Variants in TBC1D22A observed in about 807,000 individuals in gnomAD.
The protein encoded by TBC1D22A is putative GTPase activator.
In TBC1D22A, 38 loss-of-function variants were observed where a neutral mutation model predicts 60.2. That is an observed-to-expected ratio of 0.63 (90% CI 0.49 to 0.83). The LOEUF is 0.83. TBC1D22A is among the 40% of genes least tolerant of loss of function. TBC1D22A has a pLI of 0.00. For missense variants in TBC1D22A, 628 were observed against 701.0 expected (o/e 0.90, Z 1.18); for synonymous variants, 302 against 281.7 (o/e 1.07, Z -0.72).
chr22:47,000,690 C>T (rs2061378429), intron 10 of TBC1D22A, among the ~76,000 whole-genome samples: 1 of 152,076 alleles, frequency 6.6e-6, no homozygotes, highest in South Asian at 2.1e-4. Context: ...GAGAGGGTGA[C>T]TGGAGCCACT....
chr22:47,122,612 C>T (rs1159517843), intron 12 of TBC1D22A, among the ~76,000 whole-genome samples: 1 of 152,182 alleles, frequency 6.6e-6, no homozygotes, highest in Non-Finnish European at 1.5e-5. Context: ...ATGCTACTAG[C>T]CTCAGACTTC....
At chr22:47,041,272 C>T (rs958454046) in intron 11 of TBC1D22A, among the ~76,000 whole-genome samples, 2 of 152,226 alleles carry the variant, frequency 1.3e-5, no homozygotes, top group Admixed American at 6.5e-5. Context: ...TGCCCGCGCT[C>T]CTCACGCAGG....
chr22:46,876,472 A>G lies in TBC1D22A; in HGVS notation c.638-2181A>G, dbSNP rs529064444. Among the ~76,000 whole-genome samples the G allele has an allele frequency of 1.4e-4, 22 of 152,328 alleles. No homozygotes were observed. In the Middle Eastern group the frequency reaches 0.014, roughly 94 times the overall value. On this transcript the variant is annotated intron_variant, in intron 4 of 12. Transcript: ENST00000337137. ...GTTCCTGTATTTGGCCATCTTGCTT[A>G]TCTCAGAACTCTGTTTCCTGCCATT...
intron 12 of TBC1D22A, among the ~76,000 whole-genome samples, chr22:47,173,291 T>C (rs1323960838): frequency 1.3e-5 from 2 of 152,014 alleles, no homozygotes; most frequent in Admixed American, 1.3e-4. Flanking sequence ...GCTGGGCAAG[T>C]TTTCCTGGGT....
intron 4 of TBC1D22A, among the ~76,000 whole-genome samples, chr22:46,870,099 G>A (rs764221748): frequency 1.3e-5 from 2 of 152,148 alleles, no homozygotes; most frequent in Non-Finnish European, 2.9e-5. Flanking sequence ...CCCATGTATT[G>A]TCTCTTTGTT....
rs537581419 is a variant in TBC1D22A, at chr22:47,171,318, A to G, written c.1426-2180A>G. ...TCCCTGTCCCTTGTCACCTGCTAGGAGTGGGGAAGGGCAGTTCCAGCACCC... is the reference window on the plus strand; with the variant it reads ...TCCCTGTCCCTTGTCACCTGCTAGGGGTGGGGAAGGGCAGTTCCAGCACCC... On this transcript the variant is annotated intron_variant, in intron 12 of 12. Coordinates refer to ENST00000337137, the MANE Select transcript of TBC1D22A (RefSeq NM_014346.5). Among the ~76,000 whole-genome samples the G allele has an allele frequency of 9.9e-5, 15 of 152,166 alleles. No homozygotes were observed. In the South Asian group the frequency reaches 2.9e-3, roughly 29 times the overall value.
chr22:46,982,189 G>A (rs2074538774), intron 9 of TBC1D22A, among the ~76,000 whole-genome samples: 1 of 152,096 alleles, frequency 6.6e-6, no homozygotes, highest in African/African-American at 2.4e-5. Flanking sequence ...ATCTCTGGTG[G>A]ATTGATGCCC....
At chr22:46,764,457 A>T (rs1175572026) in intron 1 of TBC1D22A, among the ~76,000 whole-genome samples, 2 of 152,190 alleles carry the variant, frequency 1.3e-5, no homozygotes, top group Non-Finnish European at 2.9e-5. Context: ...TCTAATTCTT[A>T]ATCAGCTTAG....
intron 12 of TBC1D22A, among the ~76,000 whole-genome samples, chr22:47,152,079 C>T (rs576740361): frequency 2.6e-5 from 4 of 152,336 alleles, no homozygotes; most frequent in South Asian, 4.1e-4. Context: ...CACTCTCCTG[C>T]GTGTATCTGA....
At chr22:47,101,955 C>G (rs931943749) in intron 11 of TBC1D22A, among the ~76,000 whole-genome samples, 1 of 152,190 alleles carries the variant, frequency 6.6e-6, no homozygotes, top group Non-Finnish European at 1.5e-5. Context: ...ATATTCCACA[C>G]AATGATGGTA....
chr22:47,062,137 C>A (rs554784121), intron 11 of TBC1D22A, among the ~76,000 whole-genome samples: 1 of 151,294 alleles, frequency 6.6e-6, no homozygotes, highest in South Asian at 2.1e-4. Context: ...GTCCTCCGCC[C>A]CCTTTGTTGC....
chr22:46,983,277 G>A (rs924051702), intron 9 of TBC1D22A, among the ~76,000 whole-genome samples: 1 of 152,216 alleles, frequency 6.6e-6, no homozygotes, highest in African/African-American at 2.4e-5. Flanking sequence ...CCCTCAAGGT[G>A]GGACACCACT....
intron 3 of TBC1D22A, among the ~76,000 whole-genome samples, chr22:46,795,830 G>A (rs1257725987): frequency 6.6e-6 from 1 of 152,196 alleles, no homozygotes; most frequent in Non-Finnish European, 1.5e-5. Context: ...GAAGATCACA[G>A]GGAAGTCCAG....
chr22:46,765,841 C>T (rs2083263026), intron 1 of TBC1D22A, among the ~76,000 whole-genome samples: 2 of 145,998 alleles, frequency 1.4e-5, no homozygotes, highest in Admixed American at 1.4e-4. Flanking sequence ...AGTGCAGTGG[C>T]ATGATCTCAG....
chr22:46,915,978 C>A, intron 8 of TBC1D22A: 1 of 454,092 alleles, frequency 2.2e-6, no homozygotes. Context: ...ATGTGGTGGG[C>A]TTCAGATTCC....
intron 10 of TBC1D22A, among the ~76,000 whole-genome samples, chr22:47,033,076 A>T (rs1017980037): frequency 6.6e-6 from 1 of 152,230 alleles, no homozygotes; most frequent in Non-Finnish European, 1.5e-5. Flanking sequence ...CTTGTTGAGT[A>T]AATGGAGTCA....
At chr22:47,101,183 T>C (rs1372740342) in intron 11 of TBC1D22A, among the ~76,000 whole-genome samples, 1 of 152,214 alleles carries the variant, frequency 6.6e-6, no homozygotes, top group Non-Finnish European at 1.5e-5. Flanking sequence ...AGTGTTCTTT[T>C]GTTGTATTAA....
chr22:46,956,599 G>A (rs2073206034), intron 8 of TBC1D22A, among the ~76,000 whole-genome samples: 1 of 152,178 alleles, frequency 6.6e-6, no homozygotes, highest in Non-Finnish European at 1.5e-5. Flanking sequence ...TGAGTTGAAG[G>A]CGTTGTGCTG....
intron 11 of TBC1D22A, among the ~76,000 whole-genome samples, chr22:47,082,782 G>T (rs1364027956): frequency 1.3e-5 from 2 of 152,174 alleles, no homozygotes; most frequent in Admixed American, 1.3e-4. Context: ...CAGCTGATGG[G>T]AATGTTAAGT....
Sources: allele counts gnomAD v4.1 joint callset (sites outside exome capture counted in the v4.1 genomes callset), GRCh38; gene constraint gnomAD v4.1.1; transcripts MANE v1.5; gene names NCBI Gene and HGNC (gene_info 2026-07-23, HGNC 2026-07-21).